GAS7: variants seen among roughly 807,000 people sequenced by gnomAD.
The protein encoded by GAS7 is growth arrest-specific protein 7.
In GAS7, 28 loss-of-function variants were observed where a neutral mutation model predicts 71.1. That is an observed-to-expected ratio of 0.39 (90% confidence interval 0.29 to 0.54). The LOEUF (loss-of-function observed/expected upper bound fraction) is 0.54. Ranked by LOEUF, GAS7 falls within the 20% of genes least tolerant of loss-of-function variation. The pLI is 0.62. For missense variants in GAS7, 436 were observed against 627.8 expected (o/e 0.69, Z 3.27); for synonymous variants, 258 against 245.8 (o/e 1.05, Z -0.46).
rs541826871 is a variant in GAS7 at position 10,173,179 on chromosome 17, C to T, written c.183+25029G>A. ...GTGGTCGCCTGATGCTGGGGGCGGGCGAAGGGAGGAGAATGGGGAGTGGCT... is the reference window on the plus strand; with the variant it reads ...GTGGTCGCCTGATGCTGGGGGCGGGTGAAGGGAGGAGAATGGGGAGTGGCT... On this transcript the variant is annotated intron_variant, in intron 1 of 13. Coordinates refer to ENST00000432992, the MANE Select transcript of GAS7 (RefSeq NM_201433.2). Among the ~76,000 whole-genome samples the T allele has an allele frequency of 4.6e-5, 7 of 151,958 alleles. No individual in the cohort carries two copies. In the South Asian group the frequency reaches 6.3e-4, roughly 14 times the overall value.
rs943134448 is a variant in GAS7 at position 10,016,715 on chromosome 17, A to G, written c.304+3062T>C. 4.7e-5 allele frequency among the ~76,000 whole-genome samples: 7 copies of G among 149,030 alleles called. No homozygotes were observed. The East Asian group carries it at 1.4e-3, about 29-fold the overall frequency. ...GATTACTTGAGGCCAAGAATTCAAG[A>G]CCAGCCTGGGTAACATGGCAAAACA... On this transcript the variant is annotated intron_variant, in intron 2 of 13. Coordinates refer to ENST00000432992, the MANE Select transcript of GAS7 (RefSeq NM_201433.2).
chr17:9,920,294 C>A (rs996892092), intron 11 of GAS7, among the ~76,000 whole-genome samples: 1 of 152,094 alleles, frequency 6.6e-6, no homozygotes, highest in African/African-American at 2.4e-5. Flanking sequence ...CACACCCCAG[C>A]TTCAGGAGAG....
intron 1 of GAS7, among the ~76,000 whole-genome samples, chr17:10,160,961 C>CACA (rs2074250829): frequency 6.6e-6 from 1 of 151,692 alleles, no homozygotes; most frequent in African/African-American, 2.4e-5. Flanking sequence ...CACACACACA[C>CACA]ACACACACAC....
rs1463837115 is a variant in GAS7, at chr17:10,034,768, C to A, written c.184-14871G>T. On this transcript the variant is annotated intron_variant, in intron 1 of 13. Transcript: ENST00000432992. This position sits in a 1 kb window ranked among gnomAD's most constrained non-coding sequence, Gnocchi z 4.4. ...TGTGCCCCAAACACCAAGGATCCTG[C>A]CTTACTGCACCCAGGATTCTGTGCT... 6.6e-6 allele frequency among the ~76,000 whole-genome samples: 1 copy of A among 152,216 alleles called. No homozygotes were observed. The highest frequency in any genetic ancestry group is 1.5e-5 in the Non-Finnish European group (1 of 68,046).
At chr17:10,005,050 T>TATATATATATACACAC (rs1296844463) in intron 2 of GAS7, among the ~76,000 whole-genome samples, 1 of 150,080 alleles carries the variant, frequency 6.7e-6, no homozygotes, top group East Asian at 2.0e-4. Flanking sequence ...TACATATATA[T>TATATATATATACACAC]ACACATATAT....
intron 1 of GAS7, among the ~76,000 whole-genome samples, chr17:10,172,688 G>A (rs1217623047): frequency 2.6e-5 from 4 of 152,210 alleles, no homozygotes; most frequent in Non-Finnish European, 5.9e-5. Context: ...AGTAAGCAAG[G>A]CAGGGAATTT....
intron 6 of GAS7, among the ~76,000 whole-genome samples, chr17:9,946,541 C>T (rs767048646): frequency 6.6e-6 from 1 of 152,176 alleles, no homozygotes; most frequent in Non-Finnish European, 1.5e-5. Context: ...ACTTGTCCAA[C>T]GTCACTCACG....
Position 10,145,162 on chromosome 17 carries a change from C to T in GAS7, c.183+53046G>A, listed in dbSNP as rs555241035. ...GCCTGGCTCAGCTCAGGGCTGCAGA[C>T]GCCCTGGTGTCTGGGGCTGACAGCC... On this transcript the variant is annotated intron_variant, in intron 1 of 13. Transcript: ENST00000432992. 2.8e-4 allele frequency among the ~76,000 whole-genome samples: 42 copies of T among 152,364 alleles called. No individual in the cohort carries two copies. The South Asian group carries it at 7.9e-3, about 29-fold the overall frequency.
chr17:10,044,721 T>C (rs934068147), intron 1 of GAS7, among the ~76,000 whole-genome samples: 3 of 152,152 alleles, frequency 2.0e-5, no homozygotes, highest in African/African-American at 7.2e-5. Context: ...TATAAGTAGA[T>C]CTGTGCAGTT....
intron 2 of GAS7, among the ~76,000 whole-genome samples, chr17:9,995,709 T>C (rs912734148): frequency 1.2e-4 from 19 of 152,178 alleles, no homozygotes; most frequent in African/African-American, 4.6e-4. Flanking sequence ...CTGTGAAAGG[T>C]AATTTGGAGA....
chr17:9,911,951 T>G lies in GAS7; in HGVS notation c.*5277A>C, dbSNP rs1436046480. The G allele has an allele frequency of 4.3e-6, 1 of 232,148 alleles. No homozygotes were observed. Among genetic ancestry groups the G allele is most frequent in the East Asian group, 6.1e-5 (1 of 16,428 alleles). 14.4% of individuals were successfully genotyped at this position (232,148 alleles called of 1,614,324 possible). ...GGGTGTGGTCCTGTCCCTGCCACCA[T>G]GTACCACCATCCAGTGGGGTGCAGG... On this transcript the variant is annotated 3_prime_UTR_variant, in exon 14 of 14. Coordinates refer to ENST00000432992, the MANE Select transcript of GAS7 (RefSeq NM_201433.2). This position sits in a 1 kb window ranked among gnomAD's most constrained non-coding sequence, Gnocchi z 4.0.
chr17:10,050,233 T>A (rs1269095686), intron 1 of GAS7, among the ~76,000 whole-genome samples: 1 of 152,130 alleles, frequency 6.6e-6, no homozygotes, highest in East Asian at 1.9e-4. Context: ...GTACTATTTA[T>A]CAGGTAGGGT....
chr17:10,140,582 G>C (rs2074072089), intron 1 of GAS7, among the ~76,000 whole-genome samples: 1 of 150,856 alleles, frequency 6.6e-6, no homozygotes. Flanking sequence ...TATATAGCTA[G>C]TGTATGTGTC....
chr17:10,091,387 TG>T (rs2152256140), intron 1 of GAS7, among the ~76,000 whole-genome samples: 1 of 152,130 alleles, frequency 6.6e-6, no homozygotes, highest in Admixed American at 6.6e-5. Flanking sequence ...GTGACTTTTT[TG>T]GGTTTTGTTT....
At chr17:9,979,873 A>AC (rs2070347811) in intron 3 of GAS7, among the ~76,000 whole-genome samples, 2 of 151,600 alleles carry the variant, frequency 1.3e-5, no homozygotes, top group Admixed American at 6.6e-5. Flanking sequence ...AAAAAAAAAA[A>AC]AAAACACAAG....
At chr17:10,141,593 G>C (rs1460850724) in intron 1 of GAS7, among the ~76,000 whole-genome samples, 4 of 152,156 alleles carry the variant, frequency 2.6e-5, no homozygotes, top group African/African-American at 9.7e-5. Context: ...AGGAGACGCA[G>C]TTTCCTAAAA....
intron 1 of GAS7, among the ~76,000 whole-genome samples, chr17:10,147,559 T>C (rs571683764): frequency 6.6e-6 from 1 of 152,296 alleles, no homozygotes; most frequent in East Asian, 1.9e-4. Flanking sequence ...AGGAACATCC[T>C]AATATTGCCT....
intron 1 of GAS7, among the ~76,000 whole-genome samples, chr17:10,175,211 CAT>C (rs781766757): frequency 3.8e-5 from 5 of 131,998 alleles, no homozygotes; most frequent in Admixed American, 1.7e-4. Flanking sequence ...GCTAGGAATA[CAT>C]GTTAGTAAGA....
In GAS7 at chr17:9,956,318, T is replaced by C. The variant is rs1297341322; in HGVS notation, c.525+2884A>G. 1.4e-4 allele frequency among the ~76,000 whole-genome samples: 21 copies of C among 151,902 alleles called. 1 individual carries two copies. Among genetic ancestry groups the C allele is most frequent in the Admixed American group, 1.4e-3 (21 of 15,244 alleles). ...GGAACAAGCCAGCCCCGGAGCTCTG[T>C]GGAACAGAGAAGAAGAGTAGACAGG... On this transcript the variant is annotated intron_variant, in intron 5 of 13. Transcript: ENST00000432992.
Sources: allele counts gnomAD v4.1 joint callset (sites outside exome capture counted in the v4.1 genomes callset), GRCh38; gene constraint gnomAD v4.1.1; non-coding constraint Gnocchi (gnomAD v3.1); transcripts MANE v1.5; gene names NCBI Gene and HGNC (gene_info 2026-07-23, HGNC 2026-07-21).